ZFHX3: variants seen among roughly 807,000 people sequenced by gnomAD.
The protein encoded by ZFHX3 is zinc finger homeobox 3.
Under a neutral mutation model 279.1 loss-of-function variants are expected in ZFHX3, and 42 were observed. The ratio of observed to expected loss-of-function variants is 0.15; its 90% CI spans 0.12 to 0.19. ZFHX3 has a LOEUF of 0.19. Among genes scored for constraint, ZFHX3 ranks in the 10% least tolerant of loss-of-function variants. The pLI, the probability that ZFHX3 is intolerant of heterozygous loss-of-function variation, is 1.00. For missense variants in ZFHX3, 4,981 were observed against 4,754.0 expected, an observed-to-expected ratio of 1.05 and a Z score of -1.40; for synonymous variants, 2,293 against 1,957.8, an observed-to-expected ratio of 1.17 and a Z score of -4.52.
chr16:73,529,514 A>T (rs2019755606), intron 2 of ZFHX3, among the ~76,000 whole-genome samples: 1 of 152,022 alleles, frequency 6.6e-6, no homozygotes, highest in African/African-American at 2.4e-5. Flanking sequence ...ACACTCAGAG[A>T]CAGCAAAGAC....
intron 4 of ZFHX3, among the ~76,000 whole-genome samples, chr16:73,267,318 C>T (rs2014004780): frequency 6.6e-6 from 1 of 152,034 alleles, no homozygotes; most frequent in African/African-American, 2.4e-5. Flanking sequence ...TGGGGGTCAT[C>T]TTGTTTACAC....
intron 2 of ZFHX3, among the ~76,000 whole-genome samples, chr16:73,568,887 G>A (rs1267411726): frequency 6.6e-6 from 1 of 152,140 alleles, no homozygotes; most frequent in East Asian, 1.9e-4. Context: ...CCGACAGACA[G>A]CCGTGGGTGA....
intron 1 of ZFHX3, among the ~76,000 whole-genome samples, chr16:73,825,459 G>A (rs370398800): frequency 1.6e-5 from 2 of 125,628 alleles, no homozygotes; most frequent in African/African-American, 4.0e-5. Context: ...TTGGTGTTTT[G>A]GACATGAAGT....
intron 1 of ZFHX3, among the ~76,000 whole-genome samples, chr16:73,792,758 G>C (rs1242511473): frequency 6.6e-6 from 1 of 152,136 alleles, no homozygotes; most frequent in Non-Finnish European, 1.5e-5. Flanking sequence ...GGCGGCTCAA[G>C]GGTTAATACC....
chr16:73,004,956 C>T (rs555338219), intron 1 of ZFHX3, among the ~76,000 whole-genome samples: 8 of 152,220 alleles, frequency 5.3e-5, no homozygotes, highest in African/African-American at 1.4e-4. Context: ...CTAATTTTTC[C>T]GCCATTTGGC....
In ZFHX3 at chr16:73,756,880, G is replaced by A. The variant is rs1226682615; in HGVS notation, c.-1607-76640C>T. On this transcript the variant is annotated intron_variant, in intron 1 of 17. Coordinates refer to the ZFHX3 transcript ENST00000641206. Reference sequence around the variant, plus strand: ...TAGTGCCGTGTATGTTATTTATGACGCAAGGAATAACTTAAACCACATTAG... The same window carrying A: ...TAGTGCCGTGTATGTTATTTATGACACAAGGAATAACTTAAACCACATTAG... Among the ~76,000 whole-genome samples the A allele has an allele frequency of 2.0e-5, 3 of 151,996 alleles. No individual in the cohort carries two copies. In the East Asian group the frequency reaches 5.8e-4, roughly 29 times the overall value.
At chr16:73,283,685 T>A (rs117558711) in intron 4 of ZFHX3, among the ~76,000 whole-genome samples, 92 of 152,356 alleles carry the variant, frequency 6.0e-4, no homozygotes, top group Non-Finnish European at 1.1e-3. Context: ...AACATTTAAG[T>A]GTCAGCTTAT....
chr16:73,516,487 G>C (rs2019524856), intron 2 of ZFHX3, among the ~76,000 whole-genome samples: 1 of 152,168 alleles, frequency 6.6e-6, no homozygotes. Flanking sequence ...TGACACATGA[G>C]ATGTGGCTGC....
chr16:73,130,070 A>T (rs1183763512), intron 7 of ZFHX3, among the ~76,000 whole-genome samples: 1 of 152,182 alleles, frequency 6.6e-6, no homozygotes, highest in Non-Finnish European at 1.5e-5. Flanking sequence ...TGGACCTATA[A>T]TACTTAAATC....
intron 2 of ZFHX3, among the ~76,000 whole-genome samples, chr16:73,523,024 CA>C (rs748645235): frequency 6.6e-6 from 1 of 152,150 alleles, no homozygotes; most frequent in Non-Finnish European, 1.5e-5. Flanking sequence ...GTCCCTCCCA[CA>C]ACACGGTGGC....
At chr16:73,849,647 C>T (rs1413161364) in intron 1 of ZFHX3, among the ~76,000 whole-genome samples, 1 of 152,234 alleles carries the variant, frequency 6.6e-6, no homozygotes, top group Non-Finnish European at 1.5e-5. Flanking sequence ...CATTTCTTCA[C>T]TGAGTCTTCG....
chr16:73,188,866 CTTTTTTTT>C (rs67553147), intron 5 of ZFHX3, among the ~76,000 whole-genome samples: 1 of 138,846 alleles, frequency 7.2e-6, no homozygotes, highest in Admixed American at 7.2e-5. Flanking sequence ...ATTTCTTTTT[CTTTTTTTT>C]TTTTTTTGAG....
intron 2 of ZFHX3, among the ~76,000 whole-genome samples, chr16:73,668,747 G>T (rs754120792): frequency 5.9e-4 from 90 of 151,988 alleles, no homozygotes; most frequent in Non-Finnish European, 1.2e-3. Context: ...CAAAAAGTGG[G>T]CAAAGGATAT....
At chr16:73,123,086 AC>A (rs1966520023) in intron 7 of ZFHX3, among the ~76,000 whole-genome samples, 1 of 151,518 alleles carries the variant, frequency 6.6e-6, no homozygotes, top group Non-Finnish European at 1.5e-5. Context: ...GACACTCCCC[AC>A]CCTCTAAAAC....
chr16:73,584,750 A>G (rs1477371604), intron 2 of ZFHX3, among the ~76,000 whole-genome samples: 2 of 152,238 alleles, frequency 1.3e-5, no homozygotes, highest in Admixed American at 6.5e-5. Flanking sequence ...GGATCTAATT[A>G]AACTAGAGAG....
At chr16:73,144,719 C>T (rs1160029328) in intron 5 of ZFHX3, among the ~76,000 whole-genome samples, 1 of 152,172 alleles carries the variant, frequency 6.6e-6, no homozygotes, top group Non-Finnish European at 1.5e-5. Flanking sequence ...AGGTGTTTTC[C>T]TCTCTCCTAC....
At chr16:73,129,205 C>G (rs1019026394) in intron 7 of ZFHX3, among the ~76,000 whole-genome samples, 1 of 151,970 alleles carries the variant, frequency 6.6e-6, no homozygotes, top group Non-Finnish European at 1.5e-5. Flanking sequence ...CTGGCCAACA[C>G]GGCGAAATCC....
At chr16:73,457,874 A>C (rs549775056) in intron 2 of ZFHX3, among the ~76,000 whole-genome samples, 1 of 152,368 alleles carries the variant, frequency 6.6e-6, no homozygotes, top group South Asian at 2.1e-4. Flanking sequence ...CACACAGCCT[A>C]GCTCTGAAAA....
chr16:73,452,586 G>C (rs936281742), intron 3 of ZFHX3, among the ~76,000 whole-genome samples: 2 of 152,136 alleles, frequency 1.3e-5, no homozygotes, highest in Non-Finnish European at 2.9e-5. Context: ...CAATTAATCA[G>C]TGCATTTTGA....
Sources: allele counts gnomAD v4.1 joint callset (sites outside exome capture counted in the v4.1 genomes callset), GRCh38; gene constraint gnomAD v4.1.1; transcripts MANE v1.5; gene names NCBI Gene and HGNC (gene_info 2026-07-23, HGNC 2026-07-21).